Variants in CCDC171 observed in about 807,000 individuals in gnomAD.
CCDC171 encodes coiled-coil domain containing 171.
CCDC171 carries 177 observed loss-of-function variants against 168.2 expected under a neutral mutation model. That is an observed-to-expected ratio of 1.05 (90% confidence interval 0.93 to 1.19). CCDC171 has a LOEUF of 1.19. Among genes scored for constraint, CCDC171 ranks in the 50% most tolerant of loss-of-function variants. The pLI, the probability that CCDC171 is intolerant of heterozygous loss-of-function variation, is 0.00. For missense variants in CCDC171, 1,991 were observed against 1,539.0 expected (o/e 1.29, Z -4.91); for synonymous variants, 687 against 540.8 (o/e 1.27, Z -3.75).
At chr9:15,830,069 C>T (rs2060167049) in intron 21 of CCDC171, among the ~76,000 whole-genome samples, 1 of 152,148 alleles carries the variant, frequency 6.6e-6, no homozygotes, top group Non-Finnish European at 1.5e-5. Context: ...AGATTCATGT[C>T]AGTGTTCCTC....
At chr9:15,821,185 C>G (rs1383542062) in intron 21 of CCDC171, among the ~76,000 whole-genome samples, 1 of 117,220 alleles carries the variant, frequency 8.5e-6, no homozygotes, top group African/African-American at 3.2e-5. Context: ...TGGGATGTAT[C>G]TCAAAATAAT....
chr9:15,825,468 A>C (rs1372059821), intron 21 of CCDC171, among the ~76,000 whole-genome samples: 2 of 152,176 alleles, frequency 1.3e-5, no homozygotes, highest in Admixed American at 1.3e-4. Context: ...TAAAAAATAA[A>C]TATAAATTAC....
At chr9:15,647,374 T>C (rs2047131250) in intron 7 of CCDC171, among the ~76,000 whole-genome samples, 1 of 152,074 alleles carries the variant, frequency 6.6e-6, no homozygotes. Flanking sequence ...ATTCAAAAGC[T>C]AGCAGAAGGC....
chr9:16,080,048 A>T, the CCDC171 span, among the ~76,000 whole-genome samples: 11 of 152,178 alleles, frequency 7.2e-5, no homozygotes, highest in Non-Finnish European at 1.6e-4. Context: ...TCTTACAAAA[A>T]GCTGAAATCT....
At chr9:15,700,480 G>A (rs2051636403) in intron 11 of CCDC171, among the ~76,000 whole-genome samples, 1 of 152,212 alleles carries the variant, frequency 6.6e-6, no homozygotes, top group African/African-American at 2.4e-5. Context: ...AGCCCAGAAA[G>A]GGGCTCCCAC....
chr9:16,072,673 C>T, the CCDC171 span, among the ~76,000 whole-genome samples: 3 of 152,152 alleles, frequency 2.0e-5, no homozygotes, highest in Non-Finnish European at 2.9e-5. Flanking sequence ...GCATCGTGAT[C>T]AAGAACCACT....
intron 9 of CCDC171, among the ~76,000 whole-genome samples, chr9:15,669,187 A>C (rs982850512): frequency 2.0e-5 from 3 of 152,212 alleles, no homozygotes; most frequent in Non-Finnish European, 4.4e-5. Context: ...AGACATTCCT[A>C]CATGAAATTA....
intron 9 of CCDC171, among the ~76,000 whole-genome samples, chr9:15,675,954 T>C (rs1243826576): frequency 6.6e-6 from 1 of 152,184 alleles, no homozygotes; most frequent in Non-Finnish European, 1.5e-5. Flanking sequence ...CTGGATAATA[T>C]CCTGAAGAGT....
intron 21 of CCDC171, 56 bp downstream of exon 21, chr9:15,784,750 T>C: frequency 7.7e-7 from 1 of 1,296,950 alleles, no homozygotes; most frequent in Non-Finnish European, 1.1e-6. Context: ...GTGTGGATCT[T>C]AGAGGGAATT....
chr9:15,706,013 G>C (rs960212670), intron 11 of CCDC171, among the ~76,000 whole-genome samples: 1 of 152,160 alleles, frequency 6.6e-6, no homozygotes, highest in Non-Finnish European at 1.5e-5. Flanking sequence ...ACCTCCAGTG[G>C]AACAGATGTA....
At chr9:16,024,499 C>G (rs1236770216) in intron 6 of CCDC171, among the ~76,000 whole-genome samples, 1 of 152,182 alleles carries the variant, frequency 6.6e-6, no homozygotes, top group Non-Finnish European at 1.5e-5. Flanking sequence ...ATGGCTTCCT[C>G]AGGCATAGAA....
At chr9:15,621,036 A>G (rs2044462662) in intron 6 of CCDC171, among the ~76,000 whole-genome samples, 1 of 151,914 alleles carries the variant, frequency 6.6e-6, no homozygotes, top group African/African-American at 2.4e-5. Flanking sequence ...CGTGATCTCG[A>G]CTCACTGCAA....
chr9:15,702,570 C>T (rs967289242), intron 11 of CCDC171, among the ~76,000 whole-genome samples: 4 of 152,122 alleles, frequency 2.6e-5, no homozygotes, highest in African/African-American at 9.7e-5. Context: ...ACAAGAGAGT[C>T]AGCCTGTCTT....
chr9:15,585,186 G>A (rs1587154345), intron 4 of CCDC171, among the ~76,000 whole-genome samples: 3 of 152,162 alleles, frequency 2.0e-5, no homozygotes, highest in South Asian at 2.1e-4. Flanking sequence ...AAACCTGGCC[G>A]TTTCTTTTAA....
At chr9:15,596,756 A>G (rs1392676180) in intron 6 of CCDC171, among the ~76,000 whole-genome samples, 2 of 150,852 alleles carry the variant, frequency 1.3e-5, no homozygotes, top group African/African-American at 2.4e-5. Flanking sequence ...TTTTCACGAT[A>G]TTGATTCTTC....
At chr9:15,690,930 T>G (rs948325970) in intron 10 of CCDC171, among the ~76,000 whole-genome samples, 1 of 152,148 alleles carries the variant, frequency 6.6e-6, no homozygotes, top group Non-Finnish European at 1.5e-5. Flanking sequence ...GCACATTAAA[T>G]AAGTTGATAA....
Position 15,744,285 on chromosome 9 carries a change from A to G in CCDC171, c.2062A>G (p.Ile688Val). 6.3e-7 allele frequency: 1 copy of G among 1,581,664 alleles called. No individual in the cohort carries two copies. Among genetic ancestry groups the G allele is most frequent in the Non-Finnish European group, 8.6e-7 (1 of 1,166,366 alleles). Reference sequence around the variant, plus strand: ...ACTTCTTCCATAGAAATTTCAAGAAATTGCTGAAAAAAACATGGAAAAATT... The same window carrying G: ...ACTTCTTCCATAGAAATTTCAAGAAGTTGCTGAAAAAAACATGGAAAAATT... ...VQKRAQKFQE[I>V]AEKNMEKLNH... is the part of the protein sequence containing the mutation. Residue 688 changes from isoleucine (I) to valine (V), a missense_variant, in exon 17 of 26, where the codon ATT becomes GTT. By Grantham distance (29) the Ile-to-Val change is conservative. Transcript: ENST00000380701.
chr9:15,854,054 T>A (rs1196600864), intron 23 of CCDC171, among the ~76,000 whole-genome samples: 1 of 150,908 alleles, frequency 6.6e-6, no homozygotes, highest in Non-Finnish European at 1.5e-5. Context: ...TAGGACATAT[T>A]GGTCTGTAGT....
At chr9:15,822,539 C>G (rs571477711) in intron 21 of CCDC171, among the ~76,000 whole-genome samples, 2 of 152,262 alleles carry the variant, frequency 1.3e-5, no homozygotes, top group African/African-American at 4.8e-5. Context: ...TGAACAGACA[C>G]TTCTCAAAAG....
Sources: gnomAD v4.1 joint callset for allele counts (sites outside exome capture counted in the v4.1 genomes callset) on GRCh38, gnomAD v4.1.1 for gene constraint, MANE v1.5 for transcripts, NCBI Gene and HGNC (gene_info 2026-07-23, HGNC 2026-07-21) for gene names.